Variants in IMPG1 observed in about 807,000 individuals in gnomAD.
IMPG1 encodes the protein interphotoreceptor matrix proteoglycan 1.
IMPG1 carries 85 observed loss-of-function variants against 92.0 expected under a neutral mutation model. That is an observed-to-expected ratio of 0.92 (90% CI 0.78 to 1.11). The LOEUF is 1.11. Among genes scored for constraint, IMPG1 ranks in the 50% least tolerant of loss-of-function variants. IMPG1 has a pLI of 0.00. For missense variants in IMPG1, 1,022 were observed against 956.0 expected, an observed-to-expected ratio of 1.07 and a Z score of -0.91; for synonymous variants, 367 against 334.1, an observed-to-expected ratio of 1.10 and a Z score of -1.08.
At chr6:76,001,198 T>A (rs1782982664) in intron 12 of IMPG1, among the ~76,000 whole-genome samples, 1 of 152,236 alleles carries the variant, frequency 6.6e-6, no homozygotes, top group Non-Finnish European at 1.5e-5. Context: ...TCATCATAGA[T>A]ATACTATTAT....
At chr6:76,056,614 T>C (rs1357715169) in intron 1 of IMPG1, among the ~76,000 whole-genome samples, 1 of 152,176 alleles carries the variant, frequency 6.6e-6, no homozygotes, top group East Asian at 1.9e-4. Context: ...CCATACTGTT[T>C]TCCAAAATAG....
At chr6:76,049,255 G>T (rs1783995961) in intron 1 of IMPG1, among the ~76,000 whole-genome samples, 1 of 152,140 alleles carries the variant, frequency 6.6e-6, no homozygotes, top group Non-Finnish European at 1.5e-5. Flanking sequence ...AGACTTAATA[G>T]CTGGGTGATG....
chr6:75,975,837 C>G lies in IMPG1; in HGVS notation c.1292-24743G>C, dbSNP rs1782523410. ...CTATGCTGCTGTAGCTCTGAAGTAG[C>G]CATAGGCTATACGTAAGTGAATGGG... On this transcript the variant is annotated intron_variant, in intron 12 of 16. Coordinates refer to ENST00000369950, the MANE Select transcript of IMPG1 (RefSeq NM_001563.4). 3.3e-5 allele frequency among the ~76,000 whole-genome samples: 5 copies of G among 152,116 alleles called. No individual in the cohort carries two copies. The South Asian group carries it at 1.0e-3, about 32-fold the overall frequency.
chr6:75,936,289 C>T (rs568723244), intron 14 of IMPG1, among the ~76,000 whole-genome samples: 8 of 152,312 alleles, frequency 5.3e-5, no homozygotes, highest in South Asian at 2.1e-4. Context: ...ATAAAGCCAA[C>T]GGAGGTGGCT....
At chr6:75,951,728 A>G (rs1026433091) in intron 12 of IMPG1, among the ~76,000 whole-genome samples, 1 of 152,210 alleles carries the variant, frequency 6.6e-6, no homozygotes, top group African/African-American at 2.4e-5. Context: ...GTATTGGTGA[A>G]CATATAATTT....
chr6:75,974,328 TCC>T (rs1468488740), intron 12 of IMPG1, among the ~76,000 whole-genome samples: 47 of 139,802 alleles, frequency 3.4e-4, no homozygotes, highest in Non-Finnish European at 4.2e-4. Flanking sequence ...CCTCTTTCTT[TCC>T]CTTTCTTTCT....
Position 75,960,819 on chromosome 6 carries a change from T to C in IMPG1, c.1292-9725A>G, listed in dbSNP as rs77609432. 7.8e-3 allele frequency among the ~76,000 whole-genome samples: 1,191 copies of C among 152,358 alleles called. 13 individuals are homozygous for C. The highest frequency in any genetic ancestry group is 0.027 in the African/African-American group (1,137 of 41,584). On this transcript the variant is annotated intron_variant, in intron 12 of 16. Transcript: ENST00000369950. ...AGGCCATTCATTTCACTCTGAACTA[T>C]GCAAAATGAAAAGATTTAAAATAAC...
At chr6:76,067,087 TAGAA>T (rs1210946116) in intron 1 of IMPG1, among the ~76,000 whole-genome samples, 1 of 151,782 alleles carries the variant, frequency 6.6e-6, no homozygotes, top group Non-Finnish European at 1.5e-5. Context: ...CATGAAAAGA[TAGAA>T]AGATCACAAA....
intron 14 of IMPG1, among the ~76,000 whole-genome samples, chr6:75,938,087 A>T (rs1459182192): frequency 1.3e-5 from 2 of 152,238 alleles, no homozygotes; most frequent in African/African-American, 2.4e-5. Context: ...ACACTGGCTT[A>T]TACTTTTTAT....
At chr6:76,011,046 G>A in intron 8 of IMPG1, 120 bp downstream of exon 8, 1 of 604,242 alleles carries the variant, frequency 1.7e-6, no homozygotes, top group Non-Finnish European at 3.0e-6. Flanking sequence ...CCGTTTCCAG[G>A]ATTTGGCAGA....
intron 12 of IMPG1, among the ~76,000 whole-genome samples, chr6:75,969,945 C>T (rs936947646): frequency 5.3e-5 from 8 of 152,080 alleles, no homozygotes; most frequent in African/African-American, 1.7e-4. Context: ...AATTTAATTC[C>T]TAAGCCCTGG....
intron 12 of IMPG1, 56 bp from the exon 13 acceptor site, chr6:75,951,150 GA>G (rs1311596287): frequency 7.6e-7 from 1 of 1,315,228 alleles, no homozygotes; most frequent in Non-Finnish European, 1.0e-6. Context: ...AATAGAAAGT[GA>G]AAAAAAGAAA....
At chr6:76,052,164 A>G (rs1784053423) in intron 1 of IMPG1, among the ~76,000 whole-genome samples, 1 of 152,106 alleles carries the variant, frequency 6.6e-6, no homozygotes, top group Non-Finnish European at 1.5e-5. Flanking sequence ...TGACCCTCTG[A>G]ACAGGTGGAA....
In IMPG1 at chr6:75,924,596, T is replaced by TG. The variant is rs1250325742; in HGVS notation, c.2244-891_2244-890insC. ...ATATAATTAATATAATTATATATTA[T>TG]ATATAATTAATTATATATAATATAT... On this transcript the variant is annotated intron_variant, in intron 15 of 16. Coordinates refer to ENST00000369950, the MANE Select transcript of IMPG1 (RefSeq NM_001563.4). Among the ~76,000 whole-genome samples the TG allele has an allele frequency of 9.2e-3, 190 of 20,734 alleles. 19 individuals carry two copies. Among genetic ancestry groups the TG allele is most frequent in the African/African-American group, 0.02 (183 of 9,022 alleles). The allele number at this position is 20,734 out of a possible 152,430, so 13.6% of individuals were successfully genotyped here.
intron 2 of IMPG1, among the ~76,000 whole-genome samples, chr6:76,041,593 G>T (rs185147228): frequency 5.9e-5 from 9 of 152,260 alleles, no homozygotes; most frequent in Non-Finnish European, 8.8e-5. Flanking sequence ...GGAATATTGA[G>T]CATTGGCAAA....
At chr6:75,998,726 G>A (rs970503505) in intron 12 of IMPG1, among the ~76,000 whole-genome samples, 5 of 152,140 alleles carry the variant, frequency 3.3e-5, no homozygotes, top group Admixed American at 6.5e-5. Context: ...CCGCCTACAC[G>A]TCTAAACCAA....
intron 7 of IMPG1, among the ~76,000 whole-genome samples, chr6:76,016,304 T>G (rs1303521678): frequency 6.6e-6 from 1 of 152,214 alleles, no homozygotes; most frequent in Non-Finnish European, 1.5e-5. Context: ...TACATCAGAT[T>G]GTTGTAAGTG....
Position 76,034,576 on chromosome 6 carries a change from C to G in IMPG1, c.468+45G>C, listed in dbSNP as rs113026919. 3.5e-4 allele frequency: 556 copies of G among 1,595,402 alleles called. 4 individuals are homozygous for G. The African/African-American group carries it at 5.3e-3, about 15-fold the overall frequency. ...AGGCCTAGGGGCTGGAGCCTGGGAA[C>G]TGTTCGTGCAGTGTTCCAAATAACC... On this transcript the variant is annotated intron_variant, in intron 3 of 16. Transcript: ENST00000369950.
intron 12 of IMPG1, among the ~76,000 whole-genome samples, chr6:75,971,513 T>G (rs1443999034): frequency 2.0e-5 from 3 of 152,202 alleles, no homozygotes; most frequent in African/African-American, 7.2e-5. Flanking sequence ...AGAAGTGATT[T>G]TCTGAAATGA....
Sources: gnomAD v4.1 joint callset for allele counts (sites outside exome capture counted in the v4.1 genomes callset) on GRCh38, gnomAD v4.1.1 for gene constraint, MANE v1.5 for transcripts, NCBI Gene and HGNC (gene_info 2026-07-23, HGNC 2026-07-21) for gene names.